Variants in PICALM observed in about 807,000 individuals in gnomAD.
The protein encoded by PICALM is phosphatidylinositol-binding clathrin assembly protein.
A neutral mutation model predicts 80.5 loss-of-function variants in PICALM; 40 were observed. That is an observed-to-expected ratio of 0.50 (90% CI 0.39 to 0.65). The LOEUF is 0.65. Ranked by LOEUF, PICALM falls within the 30% of genes least tolerant of loss-of-function variation. The pLI is 0.00. For synonymous variants in PICALM, 288 were observed against 260.3 expected, an observed-to-expected ratio of 1.11 and a Z score of -1.02; for missense variants, 676 against 778.9, an observed-to-expected ratio of 0.87 and a Z score of 1.57.
chr11:86,027,980 T>C (rs936515689), intron 2 of PICALM, among the ~76,000 whole-genome samples: 10 of 152,234 alleles, frequency 6.6e-5, no homozygotes, highest in East Asian at 1.9e-4. Flanking sequence ...ATGATTTTAA[T>C]AGATTTTGAT....
intron 1 of PICALM, among the ~76,000 whole-genome samples, chr11:86,053,225 G>A (rs1173627590): frequency 6.6e-6 from 1 of 152,220 alleles, no homozygotes; most frequent in East Asian, 1.9e-4. Flanking sequence ...ACCTCAGTAT[G>A]TTAAAACTGC....
At chr11:86,007,513 G>C (rs202017964) in intron 8 of PICALM, 29 bp downstream of exon 8, 2 of 1,299,296 alleles carry the variant, frequency 1.5e-6, no homozygotes, top group African/African-American at 1.5e-5. Context: ...ACAACAGATA[G>C]TGGATTGGTA....
intron 19 of PICALM, among the ~76,000 whole-genome samples, chr11:85,972,094 T>G (rs2094131001): frequency 6.6e-6 from 1 of 152,142 alleles, no homozygotes; most frequent in Non-Finnish European, 1.5e-5. Context: ...ACAAGAAATT[T>G]TTTAAAGGTA....
chr11:86,060,607 G>T (rs370690551), intron 1 of PICALM, among the ~76,000 whole-genome samples: 1 of 151,986 alleles, frequency 6.6e-6, no homozygotes, highest in Non-Finnish European at 1.5e-5. Flanking sequence ...TGCTGAAATG[G>T]TCTTGAGGAC....
intron 19 of PICALM, among the ~76,000 whole-genome samples, chr11:85,970,388 TA>T (rs1205238449): frequency 6.6e-6 from 1 of 152,218 alleles, no homozygotes; most frequent in Admixed American, 6.5e-5. Flanking sequence ...TTGAGAATTG[TA>T]AAAGCATGGA....
In PICALM at chr11:86,018,952, C is replaced by A. The variant is rs575647069; in HGVS notation, c.452+3415G>T. Among the ~76,000 whole-genome samples, 14 of 151,308 alleles carry A rather than the reference C, an allele frequency of 9.3e-5. No individual in the cohort carries two copies. The South Asian group carries it at 2.9e-3, about 32-fold the overall frequency. On this transcript the variant is annotated intron_variant, in intron 4 of 19. Coordinates refer to ENST00000393346, the MANE Select transcript of PICALM (RefSeq NM_007166.4). ...ACAGACATTGAAAATGTCCAAAATACACAGGAGGGGAAGAAAAGCAGCCTT... is the reference window on the plus strand; with the variant it reads ...ACAGACATTGAAAATGTCCAAAATAAACAGGAGGGGAAGAAAAGCAGCCTT...
intron 1 of PICALM, among the ~76,000 whole-genome samples, chr11:86,067,863 A>T (rs1054457951): frequency 2.0e-5 from 3 of 152,338 alleles, no homozygotes; most frequent in African/African-American, 7.2e-5. Context: ...CACCCCAGTC[A>T]AAAGTATGGA....
At chr11:86,041,923 C>T (rs2095977076) in intron 1 of PICALM, among the ~76,000 whole-genome samples, 1 of 152,154 alleles carries the variant, frequency 6.6e-6, no homozygotes, top group South Asian at 2.1e-4. Context: ...ACTTCACTGC[C>T]ACTGACTTGT....
At chr11:85,991,165 C>T (rs1181923238) in intron 12 of PICALM, among the ~76,000 whole-genome samples, 1 of 152,052 alleles carries the variant, frequency 6.6e-6, no homozygotes, top group African/African-American at 2.4e-5. Context: ...AATTATCATT[C>T]TAATGACTGA....
chr11:85,993,477 C>T (rs1018221253), intron 12 of PICALM, among the ~76,000 whole-genome samples: 2 of 151,908 alleles, frequency 1.3e-5, no homozygotes, highest in African/African-American at 4.8e-5. Flanking sequence ...TTCGCTCTGT[C>T]GCCCAGGCTA....
intron 19 of PICALM, among the ~76,000 whole-genome samples, chr11:85,967,814 T>A (rs993767863): frequency 6.6e-6 from 1 of 152,190 alleles, no homozygotes; most frequent in African/African-American, 2.4e-5. Context: ...TTCTAAGACT[T>A]AAATTATTCG....
At chr11:86,034,462 A>C (rs1593163814) in intron 1 of PICALM, among the ~76,000 whole-genome samples, 4 of 152,234 alleles carry the variant, frequency 2.6e-5, no homozygotes, top group Non-Finnish European at 5.9e-5. Flanking sequence ...TCAATAGTTA[A>C]CTGCTTTTCC....
At chr11:85,992,618 C>T (rs893089342) in intron 12 of PICALM, among the ~76,000 whole-genome samples, 1 of 152,130 alleles carries the variant, frequency 6.6e-6, no homozygotes, top group Admixed American at 6.5e-5. Context: ...ATGATATTAA[C>T]AGCTGCATAG....
chr11:85,993,541 C>T (rs983434229), intron 12 of PICALM, among the ~76,000 whole-genome samples: 3 of 151,954 alleles, frequency 2.0e-5, no homozygotes, highest in Non-Finnish European at 2.9e-5. Context: ...CAGGTTCAAG[C>T]GACTCTCGTG....
chr11:86,065,444 A>G (rs1265633832), intron 1 of PICALM, among the ~76,000 whole-genome samples: 1 of 146,654 alleles, frequency 6.8e-6, no homozygotes, highest in Non-Finnish European at 1.5e-5. Flanking sequence ...TCCGTCTCAA[A>G]AAAAAAAAAA....
chr11:86,051,940 T>C (rs2096195924), intron 1 of PICALM, among the ~76,000 whole-genome samples: 1 of 152,194 alleles, frequency 6.6e-6, no homozygotes, highest in African/African-American at 2.4e-5. Flanking sequence ...GATGAATAGG[T>C]TTGTATAAAC....
intron 1 of PICALM, among the ~76,000 whole-genome samples, chr11:86,045,517 TTCAAAAAAA>T (rs2096057308): frequency 1.9e-5 from 1 of 52,358 alleles, no homozygotes; most frequent in African/African-American, 7.4e-5. Flanking sequence ...TGTCTTGAAA[TTCAAAAAAA>T]AAAAAAAAAA....
chr11:85,992,716 GAC>G (rs2094824908), intron 12 of PICALM, among the ~76,000 whole-genome samples: 1 of 152,144 alleles, frequency 6.6e-6, no homozygotes, highest in Admixed American at 6.5e-5. Flanking sequence ...ATTTTTTAAA[GAC>G]ACATTATTTC....
At chr11:86,025,154 C>A (rs574671669) in intron 3 of PICALM, among the ~76,000 whole-genome samples, 30 of 152,256 alleles carry the variant, frequency 2.0e-4, no homozygotes, top group South Asian at 6.2e-4. Context: ...GTAATCCCAG[C>A]ACTTTGGGAG....
Sources: gnomAD v4.1 joint callset for allele counts (sites outside exome capture counted in the v4.1 genomes callset) on GRCh38, gnomAD v4.1.1 for gene constraint, MANE v1.5 for transcripts, NCBI Gene and HGNC (gene_info 2026-07-23, HGNC 2026-07-21) for gene names.